The following IDE variants were observed in gnomAD, a reference collection of about 807,000 sequenced individuals.
IDE encodes insulin-degrading enzyme.
Under a neutral mutation model 133.2 loss-of-function variants are expected in IDE, and 58 were observed. The observed-to-expected ratio is 0.44, with a 90% CI of 0.35 to 0.54. IDE has a LOEUF of 0.54. Among genes scored for constraint, IDE ranks in the 20% least tolerant of loss-of-function variants. The pLI is 0.00. For synonymous variants in IDE, 396 were observed against 421.3 expected, an observed-to-expected ratio of 0.94 and a Z score of 0.73; for missense variants, 981 against 1,234.0, an observed-to-expected ratio of 0.79 and a Z score of 3.07.
At chr10:92,509,320 C>T (rs535920154) in intron 6 of IDE, among the ~76,000 whole-genome samples, 3 of 152,046 alleles carry the variant, frequency 2.0e-5, no homozygotes, top group Non-Finnish European at 4.4e-5. Flanking sequence ...GGGCCGGGTG[C>T]GGTGGCTCAC....
chr10:92,467,212 G>A lies in IDE; in HGVS notation c.2321-1369C>T, dbSNP rs992118178. On this transcript the variant is annotated intron_variant, in intron 19 of 24. Transcript: ENST00000265986. ...ACCTCAGCCTCCTAAGTAGCTACAG[G>A]TGTGCGCCACTATGCCCAGCTAATT... Among the ~76,000 whole-genome samples, 3 of 151,950 alleles carry A rather than the reference G, an allele frequency of 2.0e-5. No individual in the cohort carries two copies. In the South Asian group the frequency reaches 6.3e-4, roughly 32 times the overall value.
At chr10:92,501,699 G>C (rs1468589985) in intron 11 of IDE, among the ~76,000 whole-genome samples, 1 of 151,086 alleles carries the variant, frequency 6.6e-6, no homozygotes, top group Admixed American at 6.6e-5. Flanking sequence ...AAAAGGCCGG[G>C]AACGGTGACT....
intron 1 of IDE, among the ~76,000 whole-genome samples, chr10:92,540,499 G>A (rs1240585869): frequency 2.0e-5 from 3 of 152,242 alleles, no homozygotes; most frequent in Non-Finnish European, 2.9e-5. Flanking sequence ...AAGAACCTCC[G>A]TGTGTACCAA....
intron 1 of IDE, chr10:92,573,330 C>G (rs1843879177): frequency 3.7e-6 from 1 of 269,522 alleles, no homozygotes; most frequent in South Asian, 1.4e-4. Flanking sequence ...GTAGAGGATC[C>G]CGAGGTATCT....
rs754704822 is a variant in IDE, at chr10:92,490,601, G to C, written c.1431-6C>G. 4.4e-6 allele frequency: 7 copies of C among 1,575,340 alleles called. No homozygotes were observed. The highest frequency in any genetic ancestry group is 6.1e-6 in the Non-Finnish European group (7 of 1,148,488). ...ATTTAGAAACTATGGCAACCCTAGAGATAGAAAAAACAAACAAAAAAACCC... is the reference window on the plus strand; with the variant it reads ...ATTTAGAAACTATGGCAACCCTAGACATAGAAAAAACAAACAAAAAAACCC... On this transcript the variant is annotated splice_region_variant and splice_polypyrimidine_tract_variant and intron_variant, in intron 11 of 24. Coordinates refer to ENST00000265986, the MANE Select transcript of IDE (RefSeq NM_004969.4).
chr10:92,509,609 GAAAC>G (rs1196856372), intron 6 of IDE, among the ~76,000 whole-genome samples: 2 of 151,052 alleles, frequency 1.3e-5, no homozygotes, highest in African/African-American at 2.4e-5. Flanking sequence ...ACCAAAAACA[GAAAC>G]AAACAAACAA....
intron 1 of IDE, among the ~76,000 whole-genome samples, chr10:92,562,002 T>C (rs1385587568): frequency 6.6e-6 from 1 of 152,118 alleles, no homozygotes; most frequent in Non-Finnish European, 1.5e-5. Flanking sequence ...AAAAAAGTAA[T>C]GTAAATAAGC....
At chr10:92,495,323 C>T (rs1490917546) in intron 11 of IDE, among the ~76,000 whole-genome samples, 5 of 151,128 alleles carry the variant, frequency 3.3e-5, no homozygotes, top group Middle Eastern at 3.2e-3. Flanking sequence ...TGGATTCAAG[C>T]GATTCTCCTG....
intron 4 of IDE, among the ~76,000 whole-genome samples, chr10:92,530,589 A>G (rs1247449227): frequency 1.3e-5 from 2 of 152,130 alleles, no homozygotes. Context: ...GCCTGGCCTG[A>G]TATTTGTTTT....
At chr10:92,488,609 C>A (rs12219139) in intron 12 of IDE, among the ~76,000 whole-genome samples, 1 of 151,918 alleles carries the variant, frequency 6.6e-6, no homozygotes, top group African/African-American at 2.4e-5. Context: ...AACCTCATAT[C>A]TATTAAAAAT....
At chr10:92,556,934 A>G (rs1016373789) in intron 1 of IDE, among the ~76,000 whole-genome samples, 1 of 151,944 alleles carries the variant, frequency 6.6e-6, no homozygotes, top group African/African-American at 2.4e-5. Flanking sequence ...AAAAAAAAAA[A>G]AAAAAACTTA....
At chr10:92,486,492 G>A (rs1847004510) in intron 13 of IDE, among the ~76,000 whole-genome samples, 1 of 152,138 alleles carries the variant, frequency 6.6e-6, no homozygotes, top group African/African-American at 2.4e-5. Flanking sequence ...ATCTGAAGAA[G>A]ATAAAAAGAA....
At chr10:92,493,323 A>G (rs1174116398) in intron 11 of IDE, among the ~76,000 whole-genome samples, 1 of 152,164 alleles carries the variant, frequency 6.6e-6, no homozygotes. Flanking sequence ...GGAGACTTCT[A>G]AAAAATATAC....
chr10:92,494,304 A>T (rs1266900545), intron 11 of IDE, among the ~76,000 whole-genome samples: 2 of 150,408 alleles, frequency 1.3e-5, no homozygotes, highest in Non-Finnish European at 3.0e-5. Context: ...CTGAGCTCAA[A>T]CAATCCTCCC....
At chr10:92,503,516 T>C (rs1353839379) in intron 11 of IDE, among the ~76,000 whole-genome samples, 1 of 151,968 alleles carries the variant, frequency 6.6e-6, no homozygotes, top group African/African-American at 2.4e-5. Flanking sequence ...GTCACCCGAG[T>C]CCACCAACCA....
intron 1 of IDE, among the ~76,000 whole-genome samples, chr10:92,551,233 A>C (rs2135757282): frequency 6.6e-6 from 1 of 152,342 alleles, no homozygotes; most frequent in East Asian, 1.9e-4. Flanking sequence ...AAAGGAAAAA[A>C]ATTCTGGCAC....
At chr10:92,459,234 T>C (rs990955639) in intron 22 of IDE, among the ~76,000 whole-genome samples, 5 of 152,212 alleles carry the variant, frequency 3.3e-5, no homozygotes, top group Non-Finnish European at 7.3e-5. Flanking sequence ...ACCATTTTCC[T>C]CAAAGAAACT....
chr10:92,502,687 T>C (rs1278775110), intron 11 of IDE, among the ~76,000 whole-genome samples: 1 of 152,254 alleles, frequency 6.6e-6, no homozygotes, highest in Non-Finnish European at 1.5e-5. Flanking sequence ...TATTACGTTA[T>C]ACAAATATTT....
chr10:92,455,981 G>A (rs944403921), intron 23 of IDE, among the ~76,000 whole-genome samples: 1 of 152,152 alleles, frequency 6.6e-6, no homozygotes, highest in African/African-American at 2.4e-5. Context: ...TTACTAAACT[G>A]CCCAGAAAGC....
Sources: gnomAD v4.1 joint callset for allele counts (sites outside exome capture counted in the v4.1 genomes callset) on GRCh38, gnomAD v4.1.1 for gene constraint, MANE v1.5 for transcripts, NCBI Gene and HGNC (gene_info 2026-07-23, HGNC 2026-07-21) for gene names.